Variants in PLCE1 observed in about 807,000 individuals in gnomAD.
The protein encoded by PLCE1 is phospholipase C epsilon 1.
Under a neutral mutation model 242.8 loss-of-function variants are expected in PLCE1, and 119 were observed. The observed-to-expected ratio is 0.49, with a 90% CI of 0.42 to 0.57. The LOEUF is 0.57. PLCE1 is among the 20% of genes least tolerant of loss of function. The pLI, the probability that PLCE1 is intolerant of heterozygous loss-of-function variation, is 0.00. For missense variants in PLCE1, 2,441 were observed against 2,788.8 expected, an observed-to-expected ratio of 0.88 and a Z score of 2.81; for synonymous variants, 945 against 1,017.4, an observed-to-expected ratio of 0.93 and a Z score of 1.35.
chr10:94,000,263 T>G (rs1321175763), intron 1 of PLCE1, among the ~76,000 whole-genome samples: 5 of 152,232 alleles, frequency 3.3e-5, no homozygotes, highest in African/African-American at 4.8e-5. Context: ...GTATTTTCCC[T>G]CATTTCATTT....
intron 28 of PLCE1, among the ~76,000 whole-genome samples, chr10:94,315,823 C>T (rs2053552731): frequency 2.0e-5 from 3 of 151,174 alleles, no homozygotes; most frequent in Admixed American, 2.0e-4. Flanking sequence ...ATTGAGTTCA[C>T]CTAATGTACC....
chr10:94,173,214 A>G (rs2048035126), intron 4 of PLCE1, among the ~76,000 whole-genome samples: 1 of 152,204 alleles, frequency 6.6e-6, no homozygotes, highest in East Asian at 1.9e-4. Flanking sequence ...TTGAATAACT[A>G]TAGGATGCTG....
chr10:94,065,569 C>T (rs2044174838), intron 2 of PLCE1, among the ~76,000 whole-genome samples: 1 of 152,174 alleles, frequency 6.6e-6, no homozygotes, highest in Non-Finnish European at 1.5e-5. Flanking sequence ...CTTATTGCAT[C>T]ATATTTGCCT....
At chr10:94,141,817 CT>C (rs911785476) in intron 3 of PLCE1, among the ~76,000 whole-genome samples, 10 of 152,150 alleles carry the variant, frequency 6.6e-5, no homozygotes, top group Admixed American at 1.3e-4. Flanking sequence ...CAGACAGACA[CT>C]TTGGGTTTAC....
intron 2 of PLCE1, chr10:94,104,722 C>A (rs1413649918): frequency 6.6e-6 from 1 of 152,206 alleles, no homozygotes; most frequent in Non-Finnish European, 1.5e-5. Context: ...GCACGGTGGA[C>A]TCAAGTACAG....
At chr10:94,035,146 G>A (rs994118261) in intron 2 of PLCE1, among the ~76,000 whole-genome samples, 7 of 152,278 alleles carry the variant, frequency 4.6e-5, no homozygotes, top group South Asian at 4.1e-4. Context: ...TGAGAGCAAC[G>A]TGTCATCTTA....
chr10:93,996,424 T>C (rs574638284), intron 1 of PLCE1, among the ~76,000 whole-genome samples: 2 of 152,238 alleles, frequency 1.3e-5, no homozygotes, highest in East Asian at 1.9e-4. Flanking sequence ...TTAGGAAACA[T>C]GGTGCTTCTG....
Position 94,305,938 on chromosome 10 carries a change from A to C in PLCE1, c.5623-489A>C, listed in dbSNP as rs372241537. 1.3e-4 allele frequency among the ~76,000 whole-genome samples: 19 copies of C among 151,552 alleles called. No individual in the cohort carries two copies. The South Asian group carries it at 3.9e-3, about 31-fold the overall frequency. ...GATGTTGACAAAATAGGCTTTTCAT[A>C]TGATTCCAGTCGTGTGATTACCCAG... On this transcript the variant is annotated intron_variant, in intron 25 of 32. Transcript: ENST00000371380.
intron 3 of PLCE1, among the ~76,000 whole-genome samples, chr10:94,146,632 T>C (rs1413286689): frequency 6.6e-6 from 1 of 152,164 alleles, no homozygotes; most frequent in African/African-American, 2.4e-5. Context: ...AACAAACCCC[T>C]GCCCAAATTG....
intron 1 of PLCE1, among the ~76,000 whole-genome samples, chr10:94,015,508 G>A (rs1258659478): frequency 2.0e-5 from 3 of 152,180 alleles, no homozygotes; most frequent in Non-Finnish European, 4.4e-5. Flanking sequence ...CGAGGGATTG[G>A]TGCCTGAACC....
chr10:94,327,869 A>G (rs1450222370), intron 32 of PLCE1, 99 bp from the exon 33 acceptor site: 1 of 407,796 alleles, frequency 2.5e-6, no homozygotes, highest in African/African-American at 2.1e-5. Context: ...CCTAGCCACT[A>G]GAGCTGTGGC....
In PLCE1 at chr10:94,032,309, A is replaced by G. The variant is rs200599682; in HGVS notation, c.1206+57A>G. ...TTAAACTTGCTTTTTTTTTCAAAAAAAAGTCCAAATTTCCATTGTCATAAT... is the reference window on the plus strand; with the variant it reads ...TTAAACTTGCTTTTTTTTTCAAAAAGAAGTCCAAATTTCCATTGTCATAAT... On this transcript the variant is annotated intron_variant, in intron 2 of 32. Coordinates refer to ENST00000371380, the MANE Select transcript of PLCE1 (RefSeq NM_016341.4). The G allele has an allele frequency of 1.2e-3, 1,909 of 1,534,660 alleles. 4 individuals are homozygous for G. The highest frequency in any genetic ancestry group is 1.6e-3 in the Non-Finnish European group (1,821 of 1,112,966).
intron 4 of PLCE1, among the ~76,000 whole-genome samples, chr10:94,224,374 G>A (rs1005709720): frequency 2.0e-5 from 3 of 152,176 alleles, no homozygotes; most frequent in Non-Finnish European, 4.4e-5. Flanking sequence ...CTGTGAAGCA[G>A]ACCTCTCCAG....
intron 4 of PLCE1, among the ~76,000 whole-genome samples, chr10:94,195,502 T>G (rs1387679916): frequency 2.0e-5 from 3 of 149,800 alleles, no homozygotes; most frequent in African/African-American, 7.3e-5. Flanking sequence ...AGGGGCTCCT[T>G]TTTTTTTTAA....
intron 2 of PLCE1, among the ~76,000 whole-genome samples, chr10:94,124,146 G>T (rs1445110718): frequency 6.6e-6 from 1 of 152,116 alleles, no homozygotes; most frequent in Non-Finnish European, 1.5e-5. Context: ...CTGGGACGCT[G>T]AGGCGGGAGG....
At chr10:94,289,039 G>C (rs751594336) in intron 22 of PLCE1, among the ~76,000 whole-genome samples, 4 of 152,124 alleles carry the variant, frequency 2.6e-5, no homozygotes, top group African/African-American at 9.7e-5. Context: ...AGTGCTGCAG[G>C]TTGGAACACC....
chr10:94,221,312 G>T (rs879233468), intron 4 of PLCE1, among the ~76,000 whole-genome samples: 1 of 152,164 alleles, frequency 6.6e-6, no homozygotes, highest in Admixed American at 6.5e-5. Context: ...GTGTGTGTGT[G>T]TATGTGCCTG....
At chr10:94,083,542 G>A (rs1421565225) in intron 2 of PLCE1, among the ~76,000 whole-genome samples, 4 of 152,160 alleles carry the variant, frequency 2.6e-5, no homozygotes, top group Admixed American at 1.3e-4. Flanking sequence ...ACCAGAACCT[G>A]CACCCAGACA....
intron 25 of PLCE1, among the ~76,000 whole-genome samples, chr10:94,305,598 C>A (rs1202335238): frequency 6.6e-6 from 1 of 152,196 alleles, no homozygotes; most frequent in Non-Finnish European, 1.5e-5. Context: ...ACTGCTTTTT[C>A]TCTTTCCCTA....
Sources: allele counts gnomAD v4.1 joint callset (sites outside exome capture counted in the v4.1 genomes callset), GRCh38; gene constraint gnomAD v4.1.1; transcripts MANE v1.5; gene names NCBI Gene and HGNC (gene_info 2026-07-23, HGNC 2026-07-21).